Variants in GPT2 observed in about 807,000 individuals in gnomAD.
GPT2 encodes glutamic--pyruvic transaminase 2.
In GPT2, 30 loss-of-function variants were observed where a neutral mutation model predicts 56.9. The observed-to-expected ratio is 0.53, with a 90% CI of 0.39 to 0.72. The LOEUF is 0.72. GPT2 is among the 30% of genes least tolerant of loss of function. GPT2 has a pLI of 0.00. For synonymous variants in GPT2, 271 were observed against 283.1 expected, an observed-to-expected ratio of 0.96 and a Z score of 0.43; for missense variants, 542 against 703.4, an observed-to-expected ratio of 0.77 and a Z score of 2.60.
rs534813399 is a variant in GPT2, at chr16:46,903,426, G to A, written c.442+2636G>A. On this transcript the variant is annotated intron_variant, in intron 4 of 11. Coordinates refer to ENST00000340124, the MANE Select transcript of GPT2 (RefSeq NM_133443.4). ...TGGGCTCAAGCAGTCTTCCTGTATC[G>A]GCCTCCCAAGTAGCTGGGACTACAG... Among the ~76,000 whole-genome samples, 10 of 150,760 alleles carry A rather than the reference G, an allele frequency of 6.6e-5. No individual in the cohort carries two copies. In the East Asian group the frequency reaches 7.8e-4, roughly 12 times the overall value.
In GPT2 at chr16:46,916,616, G is replaced by A. The variant is rs775404576; in HGVS notation, c.821-12G>A. 3 of 1,609,534 alleles carry A rather than the reference G, an allele frequency of 1.9e-6. No homozygotes were observed. The highest frequency in any genetic ancestry group is 1.3e-5 in the African/African-American group (1 of 74,814). ...TACAACCGACATTTTGGTTTTCTTG[G>A]GGATTTTATAGGCCAGGTACAAAGC... is the stretch of plus-strand genomic sequence containing the variant. On this transcript the variant is annotated splice_polypyrimidine_tract_variant and intron_variant, in intron 6 of 11. Transcript: ENST00000340124.
At chr16:46,907,031 T>C (rs1371408137) in intron 5 of GPT2, 56 bp downstream of exon 5, 2 of 1,607,406 alleles carry the variant, frequency 1.2e-6, no homozygotes, top group African/African-American at 1.3e-5. Context: ...AAGAGCAGCC[T>C]TGCCTGTTAG....
At chr16:46,913,554 G>T (rs1465023695) in intron 6 of GPT2, among the ~76,000 whole-genome samples, 1 of 152,210 alleles carries the variant, frequency 6.6e-6, no homozygotes, top group Non-Finnish European at 1.5e-5. Context: ...CAGAAGAAAA[G>T]TTGGTCCGTT....
chr16:46,910,062 C>T, intron 6 of GPT2, 135 bp downstream of exon 6: 1 of 1,252,404 alleles, frequency 8.0e-7, no homozygotes, highest in Non-Finnish European at 1.1e-6. Flanking sequence ...AACCTAAAGC[C>T]ATGAAATTTG....
At chr16:46,921,010 G>A (rs1596632478) in intron 8 of GPT2, among the ~76,000 whole-genome samples, 1 of 152,090 alleles carries the variant, frequency 6.6e-6, no homozygotes, top group Admixed American at 6.5e-5. Flanking sequence ...ATCAGCAAAG[G>A]ATTAAGCAGA....
At chr16:46,917,529 T>C (rs1431218945) in intron 7 of GPT2, among the ~76,000 whole-genome samples, 1 of 152,226 alleles carries the variant, frequency 6.6e-6, no homozygotes, top group African/African-American at 2.4e-5. Flanking sequence ...CTCATTCTTT[T>C]TCTGTTTTGT....
chr16:46,915,822 C>T (rs1407815876), intron 6 of GPT2: 1 of 149,656 alleles, frequency 6.7e-6, no homozygotes, highest in Admixed American at 6.7e-5. Flanking sequence ...CACACACCCC[C>T]ATCACACCTA....
chr16:46,912,874 A>C (rs1961071465), intron 6 of GPT2, among the ~76,000 whole-genome samples: 1 of 152,214 alleles, frequency 6.6e-6, no homozygotes, highest in Non-Finnish European at 1.5e-5. Context: ...ACAAACATCC[A>C]AACTACGTGA....
chr16:46,900,851 C>T, intron 4 of GPT2, 61 bp downstream of exon 4: 4 of 1,416,578 alleles, frequency 2.8e-6, no homozygotes, highest in African/African-American at 1.4e-5. Context: ...CAGGCGGCCC[C>T]AGCCTCAAGC....
intron 9 of GPT2, 151 bp downstream of exon 9, chr16:46,922,567 A>T (rs2143550092): frequency 1.5e-6 from 1 of 681,494 alleles, no homozygotes; most frequent in East Asian, 2.9e-5. Context: ...AGCCTGAACC[A>T]CCCCTATGAG....
intron 3 of GPT2, among the ~76,000 whole-genome samples, chr16:46,899,873 C>CT (rs1960783305): frequency 6.6e-6 from 1 of 152,190 alleles, no homozygotes; most frequent in East Asian, 1.9e-4. Flanking sequence ...ATGGCAGGCC[C>CT]AGCCTCTCCA....
At chr16:46,894,973 G>A (rs1960659425) in intron 2 of GPT2, among the ~76,000 whole-genome samples, 1 of 152,080 alleles carries the variant, frequency 6.6e-6, no homozygotes, top group African/African-American at 2.4e-5. Flanking sequence ...CCGCCACTGA[G>A]AATCCTTATC....
chr16:46,898,238 G>A (rs532594377), intron 3 of GPT2, among the ~76,000 whole-genome samples: 1 of 152,326 alleles, frequency 6.6e-6, no homozygotes, highest in Non-Finnish European at 1.5e-5. Flanking sequence ...GGCGATGAGT[G>A]CAGAGGCCTC....
intron 4 of GPT2, among the ~76,000 whole-genome samples, chr16:46,904,837 A>G (rs950441484): frequency 2.0e-5 from 3 of 152,220 alleles, no homozygotes; most frequent in Non-Finnish European, 4.4e-5. Flanking sequence ...CTCTAACACC[A>G]GCATCTGCAC....
chr16:46,894,669 CTTT>C (rs1252429847), intron 2 of GPT2, among the ~76,000 whole-genome samples: 1 of 145,080 alleles, frequency 6.9e-6, no homozygotes, highest in Admixed American at 6.9e-5. Flanking sequence ...CACTGGGAAT[CTTT>C]TTTTTTTTTT....
At chr16:46,889,249 T>TTC (rs1960541549) in intron 2 of GPT2, among the ~76,000 whole-genome samples, 1 of 139,360 alleles carries the variant, frequency 7.2e-6, no homozygotes, top group Admixed American at 7.1e-5. Flanking sequence ...GCTGTTAATT[T>TTC]TTTTTTTTTT....
intron 1 of GPT2, 68 bp from the exon 2 acceptor site, chr16:46,884,626 T>G: frequency 5.4e-6 from 7 of 1,289,876 alleles, no homozygotes; most frequent in Non-Finnish European, 6.9e-6. Context: ...TGGCTGGGCT[T>G]GTGTGGGGGA....
chr16:46,927,419 C>G (rs1274484321), intron 11 of GPT2, among the ~76,000 whole-genome samples: 1 of 152,216 alleles, frequency 6.6e-6, no homozygotes, highest in Non-Finnish European at 1.5e-5. Flanking sequence ...TGCTTAGTAG[C>G]TCCTGGCAGC....
chr16:46,898,965 TAC>T (rs1283133030), intron 3 of GPT2, among the ~76,000 whole-genome samples: 3,607 of 27,770 alleles, frequency 0.13, 280 homozygotes, highest in South Asian at 0.15. Context: ...TGTATATATA[TAC>T]ACACACACAT....
Sources: allele counts gnomAD v4.1 joint callset (sites outside exome capture counted in the v4.1 genomes callset), GRCh38; gene constraint gnomAD v4.1.1; transcripts MANE v1.5; gene names NCBI Gene and HGNC (gene_info 2026-07-23, HGNC 2026-07-21).